Variants in TGFBR1 observed in about 807,000 individuals in gnomAD.
TGFBR1 encodes transforming growth factor beta receptor 1, also known as TGF-beta receptor type-1.
Under a neutral mutation model 55.1 loss-of-function variants are expected in TGFBR1, and 20 were observed. That is an observed-to-expected ratio of 0.36 (90% CI 0.26 to 0.53). TGFBR1 has a LOEUF of 0.53. TGFBR1 is among the 20% of genes least tolerant of loss of function. TGFBR1 has a pLI of 0.91. For synonymous variants in TGFBR1, 220 were observed against 214.8 expected, an observed-to-expected ratio of 1.02 and a Z score of -0.21; for missense variants, 385 against 617.6, an observed-to-expected ratio of 0.62 and a Z score of 3.99.
In TGFBR1 at chr9:99,151,612, G is replaced by C. The variant is rs1588601091; in HGVS notation, c.*2307G>C. 8.7e-6 allele frequency: 2 copies of C among 229,784 alleles called. No homozygotes were observed. Among genetic ancestry groups the C allele is most frequent in the East Asian group, 1.3e-4 (2 of 15,898 alleles). The allele number at this position is 229,784 out of a possible 1,614,324, so 14.2% of individuals were successfully genotyped here. A position where few individuals can be genotyped will look rare whatever the true frequency, so the allele number is the denominator to read the frequency against. On this transcript the variant is annotated 3_prime_UTR_variant, in exon 9 of 9. Transcript: ENST00000374994. ...TGAAGATATTTTTTATTGAATCAAAGATTGAGTTACAATTATACTTTTCTT... is the reference window on the plus strand; with the variant it reads ...TGAAGATATTTTTTATTGAATCAAACATTGAGTTACAATTATACTTTTCTT...
At chr9:99,111,407 T>A (rs368014015) in intron 1 of TGFBR1, among the ~76,000 whole-genome samples, 1 of 142,756 alleles carries the variant, frequency 7.0e-6, no homozygotes, top group African/African-American at 2.6e-5. Flanking sequence ...AGTGGGCGAA[T>A]CACGAGGTCA....
At chr9:99,118,790 G>T (rs1280782945) in intron 1 of TGFBR1, among the ~76,000 whole-genome samples, 1 of 151,774 alleles carries the variant, frequency 6.6e-6, no homozygotes, top group Non-Finnish European at 1.5e-5. Context: ...GGGACTACAG[G>T]TGCGTGCCAC....
intron 1 of TGFBR1, chr9:99,128,129 G>A (rs984121854): frequency 5.1e-6 from 2 of 389,902 alleles, no homozygotes; most frequent in Non-Finnish European, 1.0e-5. Flanking sequence ...TCCTGGGGTT[G>A]AGCCATAAAG....
Position 99,116,548 on chromosome 9 carries a change from T to G in TGFBR1, c.97+11246T>G, listed in dbSNP as rs149336353. Among the ~76,000 whole-genome samples, 949 of 152,366 alleles carry G rather than the reference T, an allele frequency of 6.2e-3. 8 individuals carry two copies. Among genetic ancestry groups the G allele is most frequent in the African/African-American group, 0.022 (907 of 41,578 alleles). On this transcript the variant is annotated intron_variant, in intron 1 of 8. Coordinates refer to ENST00000374994, the MANE Select transcript of TGFBR1 (RefSeq NM_004612.4). ...TATCTAGAGACTAGTGATTATTGAC[T>G]TACATATAGATTTCATAATTCTGCA...
At chr9:99,132,413 A>C in intron 2 of TGFBR1, 96 bp from the exon 3 acceptor site, 2 of 1,561,134 alleles carry the variant, frequency 1.3e-6, no homozygotes, top group Non-Finnish European at 1.7e-6. Context: ...GGCAGTGGCC[A>C]GCTGCAGGAA....
At chr9:99,132,989 G>A (rs11466462) in intron 3 of TGFBR1, among the ~76,000 whole-genome samples, 1 of 152,164 alleles carries the variant, frequency 6.6e-6, no homozygotes, top group Non-Finnish European at 1.5e-5. Flanking sequence ...AAATTTCAAA[G>A]CGTTCTCACT....
At chr9:99,127,385 C>T (rs1827072129) in intron 1 of TGFBR1, among the ~76,000 whole-genome samples, 2 of 152,140 alleles carry the variant, frequency 1.3e-5, no homozygotes, top group Admixed American at 1.3e-4. Context: ...TCCTACCCGG[C>T]CCCCCAGCAG....
At chr9:99,120,174 C>T (rs1826857966) in intron 1 of TGFBR1, among the ~76,000 whole-genome samples, 1 of 152,064 alleles carries the variant, frequency 6.6e-6, no homozygotes, top group Non-Finnish European at 1.5e-5. Flanking sequence ...AAGTGACTTC[C>T]TCAGGATTAC....
chr9:99,135,886 A>G (rs59234868), intron 3 of TGFBR1, among the ~76,000 whole-genome samples: 5,024 of 131,974 alleles, frequency 0.038, 322 homozygotes, highest in African/African-American at 0.14. Context: ...ACGGAGTTTC[A>G]CTCTGTTGCC....
chr9:99,127,364 C>T (rs571592615), intron 1 of TGFBR1, among the ~76,000 whole-genome samples: 3 of 152,138 alleles, frequency 2.0e-5, no homozygotes, highest in African/African-American at 7.2e-5. Flanking sequence ...GGCTTCAGCC[C>T]CTCAGACTTC....
In TGFBR1 at chr9:99,128,112, A is replaced by C; in HGVS notation, c.98-743A>C. On this transcript the variant is annotated intron_variant, in intron 1 of 8. Transcript: ENST00000374994. ...TGATAATTAGAAGGCTTCCCTAAAG[A>C]GGTCACTCCTGGGGTTGAGCCATAA... 1.2e-5 allele frequency: 5 copies of C among 426,852 alleles called. 2 individuals are homozygous for C. Among genetic ancestry groups the C allele is most frequent in the South Asian group, 8.4e-5 (5 of 59,294 alleles). 26.4% of individuals were successfully genotyped at this position (426,852 alleles called of 1,614,324 possible).
intron 6 of TGFBR1, among the ~76,000 whole-genome samples, chr9:99,146,177 C>G (rs1213978246): frequency 6.6e-6 from 1 of 152,076 alleles, no homozygotes; most frequent in East Asian, 1.9e-4. Context: ...TGGTTTCTAC[C>G]TAGTACGTGT....
Position 99,132,611 on chromosome 9 carries a change from A to C in TGFBR1, c.446A>C (p.His149Pro). 1 of 1,614,188 alleles carries C rather than the reference A, an allele frequency of 6.2e-7. No homozygotes were observed. Among genetic ancestry groups the C allele is most frequent in the Non-Finnish European group, 8.5e-7 (1 of 1,180,014 alleles). Residue 149 changes from histidine to proline, a missense_variant, in exon 3 of 9, where the codon CAC becomes CCC. Physicochemically the swap from His to Pro is moderately conservative, Grantham distance 77. Around this residue, in one of 5 missense-constraint regions of TGFBR1, gnomAD observed 146 missense variants for 167.7 expected, o/e 0.87. Coordinates refer to ENST00000374994, the MANE Select transcript of TGFBR1 (RefSeq NM_004612.4). ...CTCATGTTGATGGTCTATATCTGCC[A>C]CAACCGCACTGTCATTCACCATCGA... The part of the protein sequence containing the change: ...ISLMLMVYIC[H>P]NRTVIHHRVP...
At chr9:99,134,825 T>G (rs1827376452) in intron 3 of TGFBR1, among the ~76,000 whole-genome samples, 1 of 107,810 alleles carries the variant, frequency 9.3e-6, no homozygotes, top group Non-Finnish European at 2.0e-5. Flanking sequence ...TATATATATA[T>G]ATATATATAT....
intron 1 of TGFBR1, among the ~76,000 whole-genome samples, chr9:99,125,718 G>C (rs1827022389): frequency 6.6e-6 from 1 of 152,232 alleles, no homozygotes; most frequent in South Asian, 2.1e-4. Flanking sequence ...CCTAGTGCCA[G>C]TGTTGAGACA....
chr9:99,147,358 A>C (rs779337253), intron 7 of TGFBR1, among the ~76,000 whole-genome samples: 1 of 152,172 alleles, frequency 6.6e-6, no homozygotes, highest in Non-Finnish European at 1.5e-5. Context: ...TTTGCTGCAC[A>C]ATAGGGTTCT....
rs2118781570 is a variant in TGFBR1, at chr9:99,142,711, T to TA, written c.973+9dup. 6.2e-7 allele frequency: 1 copy of TA among 1,613,898 alleles called. No homozygotes were observed. The highest frequency in any genetic ancestry group is 1.7e-4 in the Middle Eastern group (1 of 6,058). On this transcript the variant is annotated intron_variant, in intron 5 of 8. Transcript: ENST00000374994. ...AGATTGTTGGTACCCAAGGTAATTCTATAAGCAGTTCTATTATTTAAGCTT... is the reference window on the plus strand; with the variant it reads ...AGATTGTTGGTACCCAAGGTAATTCTAATAAGCAGTTCTATTATTTAAGCTT...
At chr9:99,145,830 T>C (rs1827777055) in intron 6 of TGFBR1, 1 of 154,530 alleles carries the variant, frequency 6.5e-6, no homozygotes, top group African/African-American at 2.4e-5. Context: ...TCTATTCAAA[T>C]TGCATGTATA....
chr9:99,126,211 T>A (rs1827036722), intron 1 of TGFBR1, among the ~76,000 whole-genome samples: 4 of 152,176 alleles, frequency 2.6e-5, no homozygotes, highest in Admixed American at 2.6e-4. Flanking sequence ...GAGAGGTGTG[T>A]GGCCCTAGAT....
Sources: gnomAD v4.1 joint callset for allele counts (sites outside exome capture counted in the v4.1 genomes callset) on GRCh38, gnomAD v4.1.1 for gene constraint, gnomAD v4.1.1 regional missense constraint, MANE v1.5 for transcripts, NCBI Gene and HGNC (gene_info 2026-07-23, HGNC 2026-07-21) for gene names.